RAB3C: variants seen among roughly 807,000 people sequenced by gnomAD.
RAB3C encodes ras-related protein Rab-3C.
A neutral mutation model predicts 26.4 loss-of-function variants in RAB3C; 17 were observed. That is an observed-to-expected ratio of 0.64 (90% CI 0.44 to 0.97). The LOEUF is 0.97. Ranked by LOEUF, RAB3C falls within the 50% of genes least tolerant of loss-of-function variation. The probability of loss-of-function intolerance (pLI) is 0.00; values close to 1 mark genes in which losing one functional copy is unlikely to be tolerated. For missense variants in RAB3C, 242 were observed against 281.9 expected, an observed-to-expected ratio of 0.86 and a Z score of 1.01; for synonymous variants, 91 against 95.9, an observed-to-expected ratio of 0.95 and a Z score of 0.30.
chr5:58,589,375 C>G (rs1245562303), intron 1 of RAB3C, among the ~76,000 whole-genome samples: 1 of 152,000 alleles, frequency 6.6e-6, no homozygotes, highest in Non-Finnish European at 1.5e-5. Flanking sequence ...ATGATTTTCT[C>G]TTAATGCCTT....
intron 2 of RAB3C, among the ~76,000 whole-genome samples, chr5:58,618,219 ACATTTTT>A (rs753662738): frequency 9.9e-5 from 15 of 152,284 alleles, no homozygotes; most frequent in Non-Finnish European, 1.8e-4. Flanking sequence ...TCCTTCTCTG[ACATTTTT>A]GTAATCTATA....
intron 1 of RAB3C, among the ~76,000 whole-genome samples, chr5:58,612,548 G>GTATA (rs70973147): frequency 2.5e-5 from 2 of 80,354 alleles, no homozygotes; most frequent in African/African-American, 4.6e-5. Flanking sequence ...ATATATATAT[G>GTATA]TATATATATA....
intron 3 of RAB3C, among the ~76,000 whole-genome samples, chr5:58,739,369 ATTG>A (rs1367090965): frequency 6.6e-6 from 1 of 152,130 alleles, no homozygotes; most frequent in African/African-American, 2.4e-5. Flanking sequence ...AGTCTTTGAT[ATTG>A]TTTGCTAAGT....
chr5:58,739,954 G>T (rs563229091), intron 3 of RAB3C, among the ~76,000 whole-genome samples: 8 of 152,346 alleles, frequency 5.3e-5, no homozygotes, highest in South Asian at 2.1e-4. Flanking sequence ...ATGTAACAAG[G>T]CCTGAATGTA....
intron 3 of RAB3C, among the ~76,000 whole-genome samples, chr5:58,763,929 G>T (rs568027835): frequency 2.0e-5 from 3 of 152,260 alleles, no homozygotes; most frequent in Admixed American, 2.0e-4. Context: ...TAGAAGTCAG[G>T]ATCTCAGGGT....
At chr5:58,589,154 G>T (rs898049019) in intron 1 of RAB3C, among the ~76,000 whole-genome samples, 1 of 152,056 alleles carries the variant, frequency 6.6e-6, no homozygotes, top group Non-Finnish European at 1.5e-5. Context: ...GTCAAATATT[G>T]TCAAATGCTT....
chr5:58,854,989 C>A lies in RAB3C; in HGVS notation c.*3638C>A, dbSNP rs1744227849. 6.6e-6 allele frequency: 1 copy of A among 152,060 alleles called. No individual in the cohort carries two copies. Among genetic ancestry groups the A allele is most frequent in the South Asian group, 2.1e-4 (1 of 4,826 alleles). The allele number at this position is 152,060 out of a possible 1,614,324, so 9.4% of individuals were successfully genotyped here. ...ACGATAGACTTTCGGGTATATACAA[C>A]CTTCTTCTTCTCTTTTAAAAGTTAA... On this transcript the variant is annotated 3_prime_UTR_variant, in exon 5 of 5. Coordinates refer to ENST00000282878, the MANE Select transcript of RAB3C (RefSeq NM_138453.4).
chr5:58,609,049 G>A (rs1261010793), intron 1 of RAB3C, among the ~76,000 whole-genome samples: 1 of 152,126 alleles, frequency 6.6e-6, no homozygotes, highest in Non-Finnish European at 1.5e-5. Context: ...GGGGAGTGGG[G>A]AGGAGGGGGA....
chr5:58,828,991 C>T (rs1743553157), intron 4 of RAB3C, among the ~76,000 whole-genome samples: 1 of 150,886 alleles, frequency 6.6e-6, no homozygotes, highest in African/African-American at 2.4e-5. Flanking sequence ...GCAACCCCTG[C>T]CTCCTGGGTT....
chr5:58,672,644 T>C (rs9292172), intron 2 of RAB3C, among the ~76,000 whole-genome samples: 7,581 of 152,222 alleles, frequency 0.05, 636 homozygotes, highest in African/African-American at 0.17. Context: ...TGAGATATAA[T>C]TGACAAATAA....
chr5:58,612,528 A>G (rs928331313), intron 1 of RAB3C, among the ~76,000 whole-genome samples: 14,857 of 54,410 alleles, frequency 0.27, 880 homozygotes, highest in East Asian at 0.4. Flanking sequence ...GTGTATATAT[A>G]TATATATATA....
intron 2 of RAB3C, among the ~76,000 whole-genome samples, chr5:58,722,311 G>C (rs1579879294): frequency 6.6e-6 from 1 of 151,470 alleles, no homozygotes; most frequent in African/African-American, 2.4e-5. Context: ...TATACTGTTT[G>C]TTTTCCCCTA....
intron 1 of RAB3C, among the ~76,000 whole-genome samples, chr5:58,593,588 T>C (rs1746183252): frequency 6.6e-6 from 1 of 152,210 alleles, no homozygotes; most frequent in African/African-American, 2.4e-5. Flanking sequence ...AGATACTTTT[T>C]GAAATTTTAA....
chr5:58,596,591 CATAAT>C (rs1157651172), intron 1 of RAB3C, among the ~76,000 whole-genome samples: 1 of 106,412 alleles, frequency 9.4e-6, no homozygotes, highest in Non-Finnish European at 1.8e-5. Context: ...CTATATAATA[CATAAT>C]ATATTATATA....
At chr5:58,654,885 T>C (rs2111793926) in intron 2 of RAB3C, among the ~76,000 whole-genome samples, 1 of 152,300 alleles carries the variant, frequency 6.6e-6, no homozygotes, top group African/African-American at 2.4e-5. Context: ...GGATATAATG[T>C]ACAAATGCCT....
intron 3 of RAB3C, among the ~76,000 whole-genome samples, chr5:58,814,972 A>G (rs1020182942): frequency 5.3e-5 from 8 of 152,144 alleles, no homozygotes; most frequent in African/African-American, 1.9e-4. Context: ...ATATGTTCTC[A>G]GTACTGGCTC....
chr5:58,655,900 T>A (rs988774303), intron 2 of RAB3C, among the ~76,000 whole-genome samples: 5 of 146,360 alleles, frequency 3.4e-5, no homozygotes, highest in Non-Finnish European at 7.5e-5. Flanking sequence ...GGTTCACGCC[T>A]TTCTCCTGCC....
chr5:58,761,938 G>A (rs1373513464), intron 3 of RAB3C, among the ~76,000 whole-genome samples: 1 of 151,118 alleles, frequency 6.6e-6, no homozygotes, highest in African/African-American at 2.4e-5. Flanking sequence ...TGTCAATAAT[G>A]TTTAGTAAAA....
chr5:58,796,819 C>G (rs1742661954), intron 3 of RAB3C, among the ~76,000 whole-genome samples: 1 of 152,058 alleles, frequency 6.6e-6, no homozygotes, highest in Non-Finnish European at 1.5e-5. Context: ...CTGGAGGTTC[C>G]TATGGCCAAA....
Sources: allele counts gnomAD v4.1 joint callset (sites outside exome capture counted in the v4.1 genomes callset), GRCh38; gene constraint gnomAD v4.1.1; transcripts MANE v1.5; gene names NCBI Gene and HGNC (gene_info 2026-07-23, HGNC 2026-07-21).